Variants in NCAPD3 observed in about 807,000 individuals in gnomAD.
The protein encoded by NCAPD3 is non-SMC condensin II complex subunit D3, also known as condensin-2 complex subunit D3.
In NCAPD3, 105 loss-of-function variants were observed where a neutral mutation model predicts 182.9. The ratio of observed to expected loss-of-function variants is 0.57; its 90% CI spans 0.49 to 0.68. The LOEUF (loss-of-function observed/expected upper bound fraction) is 0.68. Ranked by LOEUF, NCAPD3 falls within the 30% of genes least tolerant of loss-of-function variation. The probability of loss-of-function intolerance (pLI) is 0.00; values close to 1 mark genes in which losing one functional copy is unlikely to be tolerated. For missense variants in NCAPD3, 1,944 were observed against 1,837.0 expected, an observed-to-expected ratio of 1.06 and a Z score of -1.07; for synonymous variants, 815 against 679.9, an observed-to-expected ratio of 1.20 and a Z score of -3.09.
chr11:134,219,370 T>G (rs141319036), intron 2 of NCAPD3, among the ~76,000 whole-genome samples: 42 of 152,266 alleles, frequency 2.8e-4, no homozygotes, highest in African/African-American at 9.9e-4. Context: ...CACTGAACTC[T>G]CCACCCCCTG....
At chr11:134,187,951 AC>A (rs1221724145) in intron 16 of NCAPD3, among the ~76,000 whole-genome samples, 1 of 152,096 alleles carries the variant, frequency 6.6e-6, no homozygotes, top group Non-Finnish European at 1.5e-5. Context: ...CATCACCTCT[AC>A]CATTCCCTCC....
chr11:134,176,596 C>T (rs1012939096), intron 23 of NCAPD3, among the ~76,000 whole-genome samples: 2 of 152,216 alleles, frequency 1.3e-5, no homozygotes, highest in Non-Finnish European at 2.9e-5. Flanking sequence ...TGACTCAAAG[C>T]ACATGGCATT....
rs548738075 is a variant in NCAPD3, at chr11:134,192,748, G to A, written c.1986C>T (p.Asp662=). 4.6e-5 allele frequency: 74 copies of A among 1,614,264 alleles called. 1 individual carries two copies. In the South Asian group the frequency reaches 7.8e-4, roughly 17 times the overall value. ...RHHSHFHSGD[D]SQVLAWALLT... ...GAAGCGCCCAGGCGAGGACCTGGCTGTCGTCCCCAGAGTGAAAATGACTGT... is the reference window on the plus strand; with the variant it reads ...GAAGCGCCCAGGCGAGGACCTGGCTATCGTCCCCAGAGTGAAAATGACTGT... The change falls in exon 16 of 35, where the codon GAC becomes GAT. Residue 662 remains aspartate, a synonymous_variant. Transcript: ENST00000534548.
intron 24 of NCAPD3, among the ~76,000 whole-genome samples, chr11:134,171,170 C>T (rs1321630678): frequency 6.6e-6 from 1 of 152,094 alleles, no homozygotes; most frequent in African/African-American, 2.4e-5. Context: ...TCAGGACCAC[C>T]ACTAGGAACG....
upstream of NCAPD3, chr11:134,225,257 G>T: frequency 1.2e-6 from 2 of 1,614,152 alleles, no homozygotes; most frequent in Non-Finnish European, 1.7e-6. Flanking sequence ...ACGGGGAGAC[G>T]GTCTCCGGGA....
chr11:134,167,422 TG>T (rs1352736112), intron 27 of NCAPD3, among the ~76,000 whole-genome samples: 1 of 85,392 alleles, frequency 1.2e-5, no homozygotes, highest in Non-Finnish European at 2.2e-5. Flanking sequence ...GAGATGAGCT[TG>T]GGGGAGGCGC....
At chr11:134,222,065 G>A (rs1938251747) in intron 1 of NCAPD3, among the ~76,000 whole-genome samples, 1 of 152,200 alleles carries the variant, frequency 6.6e-6, no homozygotes, top group African/African-American at 2.4e-5. Context: ...AATCTAATTT[G>A]GATGGCAGTA....
upstream of NCAPD3, chr11:134,224,090 C>T: frequency 1.2e-6 from 1 of 811,676 alleles, no homozygotes; most frequent in Non-Finnish European, 2.0e-6. Context: ...CCGGCGTCGT[C>T]CGCCGCACGC....
Position 134,220,581 on chromosome 11 carries a change from T to C in NCAPD3, c.210A>G (p.Gly70=), listed in dbSNP as rs1938189447. The C allele has an allele frequency of 6.2e-7, 1 of 1,612,962 alleles. No individual in the cohort carries two copies. The highest frequency in any genetic ancestry group is 1.1e-5 in the South Asian group (1 of 91,028). ...SLLPFATGEH[G]SMESIWTFFI... ...GTTTTTATATTTTTACCTCCATAGA[T>C]CCATGTTCTCCAGTAGCAAAGGGTA... Residue 70 remains glycine, a synonymous_variant, in exon 2 of 35, where the codon GGA becomes GGG. Transcript: ENST00000534548.
Position 134,175,945 on chromosome 11 carries a change from CT to C in NCAPD3, c.3101+361del, listed in dbSNP as rs1026247581. 7.8e-3 allele frequency among the ~76,000 whole-genome samples: 1,115 copies of C among 142,690 alleles called. 2 individuals are homozygous for C. Among genetic ancestry groups the C allele is most frequent in the Middle Eastern group, 0.018 (5 of 280 alleles). 93.6% of individuals were successfully genotyped at this position (142,690 alleles called of 152,430 possible). A position where few individuals can be genotyped will look rare whatever the true frequency, so the allele number is the denominator to read the frequency against. On this transcript the variant is annotated intron_variant, in intron 24 of 34. Transcript: ENST00000534548. ...AGTCTCAGCTCTTTATCAAAATTAACTTTTTTTTTTTTTTGCCTAGAAATTA... is the reference window on the plus strand; with the variant it reads ...AGTCTCAGCTCTTTATCAAAATTAACTTTTTTTTTTTTTGCCTAGAAATTA...
chr11:134,178,681 C>T lies in NCAPD3; in HGVS notation c.2735G>A (p.Gly912Asp), dbSNP rs1479541042. The change falls in exon 22 of 35, where the codon GGT becomes GAT. Residue 912 changes from glycine (G) to aspartate (D), a missense_variant. Physicochemically the swap from Gly to Asp is moderately conservative, Grantham distance 94. This residue lies in a region of NCAPD3 where 1,803 missense variants were observed against 1,674.6 expected (regional missense o/e 1.08). Transcript: ENST00000534548. ...TCTAATCACAGAGGGCATGACAGAA[C>T]CTCTGACCTGGGGGGGTGGCTGAGA... ...PASQPPPQVR[G>D]SVMPSVIRAH... 3.1e-6 allele frequency: 5 copies of T among 1,598,440 alleles called. No homozygotes were observed. The highest frequency in any genetic ancestry group is 3.4e-6 in the Non-Finnish European group (4 of 1,171,138).
intron 27 of NCAPD3, among the ~76,000 whole-genome samples, chr11:134,166,671 T>G (rs1943814887): frequency 2.2e-5 from 2 of 92,602 alleles, no homozygotes; most frequent in Non-Finnish European, 4.1e-5. Flanking sequence ...ACTTGTGAGA[T>G]GAGCTTGGGG....
At chr11:134,178,225 T>A (rs986992688) in intron 22 of NCAPD3, 1 of 154,510 alleles carries the variant, frequency 6.5e-6, no homozygotes, top group African/African-American at 2.4e-5. Context: ...ATTTCTTCAT[T>A]TCCAGAACTC....
At chr11:134,158,131 G>A in intron 30 of NCAPD3, 64 bp from the exon 31 acceptor site, 3 of 1,577,270 alleles carry the variant, frequency 1.9e-6, no homozygotes, top group Admixed American at 1.7e-5. Flanking sequence ...TGACAGTGCT[G>A]CACTGTGTCC....
rs186767260 is a variant in NCAPD3, at chr11:134,216,125, A to C, written c.382+811T>G. ...AGTTACAACCGAGACACTGCTTAGC[A>C]ACAAAATCCTTTAGGAACTTACTCA... On this transcript the variant is annotated intron_variant, in intron 3 of 34. Coordinates refer to ENST00000534548, the MANE Select transcript of NCAPD3 (RefSeq NM_015261.3). 6.6e-5 allele frequency among the ~76,000 whole-genome samples: 10 copies of C among 152,322 alleles called. No individual in the cohort carries two copies. In the East Asian group the frequency reaches 1.9e-3, roughly 29 times the overall value.
At chr11:134,162,688 T>C (rs1943621858) in intron 27 of NCAPD3, among the ~76,000 whole-genome samples, 1 of 152,188 alleles carries the variant, frequency 6.6e-6, no homozygotes, top group African/African-American at 2.4e-5. Flanking sequence ...TAAACCCAGA[T>C]GTGAGCAGAT....
chr11:134,172,695 C>T (rs1944039362), intron 24 of NCAPD3, among the ~76,000 whole-genome samples: 3 of 152,090 alleles, frequency 2.0e-5, no homozygotes, highest in Admixed American at 1.3e-4. Flanking sequence ...GACAGGAAGA[C>T]AGATCATAGA....
intron 22 of NCAPD3, chr11:134,177,748 C>G (rs1024288854): frequency 2.1e-4 from 81 of 390,474 alleles, no homozygotes; most frequent in Non-Finnish European, 1.7e-4. Context: ...CAGTTATCCC[C>G]TTACCTGGAA....
chr11:134,176,464 A>G, intron 23 of NCAPD3, 78 bp from the exon 24 acceptor site: 2 of 1,229,966 alleles, frequency 1.6e-6, no homozygotes, highest in Non-Finnish European at 2.4e-6. Context: ...CACCCCACCC[A>G]CCACGCGGTC....
Sources: allele counts gnomAD v4.1 joint callset (sites outside exome capture counted in the v4.1 genomes callset), GRCh38; gene constraint gnomAD v4.1.1; regional missense constraint gnomAD v4.1.1; transcripts MANE v1.5; gene names NCBI Gene and HGNC (gene_info 2026-07-23, HGNC 2026-07-21).